The following PTPRD variants were observed in gnomAD, a reference collection of about 807,000 sequenced individuals.
The protein encoded by PTPRD is receptor-type tyrosine-protein phosphatase delta.
PTPRD carries 34 observed loss-of-function variants against 214.5 expected under a neutral mutation model. The observed-to-expected ratio is 0.16, with a 90% confidence interval of 0.12 to 0.21. The LOEUF is 0.21. PTPRD is among the 10% of genes least tolerant of loss of function. PTPRD has a pLI of 1.00. For synonymous variants in PTPRD, 1,128 were observed against 845.7 expected (o/e 1.33, Z -5.79); for missense variants, 2,545 against 2,398.7 (o/e 1.06, Z -1.27).
chr9:8,954,361 G>A (rs573787210), intron 11 of PTPRD, among the ~76,000 whole-genome samples: 2 of 151,900 alleles, frequency 1.3e-5, no homozygotes, highest in East Asian at 3.9e-4. Context: ...AAAGGCAGGA[G>A]GCAAGGGCTG....
chr9:8,577,478 C>T (rs956807663), intron 14 of PTPRD, among the ~76,000 whole-genome samples: 2 of 152,100 alleles, frequency 1.3e-5, no homozygotes, highest in African/African-American at 4.8e-5. Flanking sequence ...TGGTCTGGAA[C>T]TCCCGACCTC....
At chr9:8,691,801 C>T (rs1037405092) in intron 12 of PTPRD, among the ~76,000 whole-genome samples, 9 of 152,170 alleles carry the variant, frequency 5.9e-5, no homozygotes, top group African/African-American at 2.2e-4. Context: ...TAACTTTATA[C>T]CAAAAGCAAC....
chr9:9,518,921 ATATGAAT>A (rs1325900649), intron 8 of PTPRD, among the ~76,000 whole-genome samples: 1 of 152,040 alleles, frequency 6.6e-6, no homozygotes, highest in Non-Finnish European at 1.5e-5. Context: ...TCCATACTTA[ATATGAAT>A]ATGTATTCTT....
chr9:9,609,983 C>A (rs1390071721), intron 7 of PTPRD, among the ~76,000 whole-genome samples: 1 of 152,150 alleles, frequency 6.6e-6, no homozygotes, highest in Non-Finnish European at 1.5e-5. Context: ...CTACTCATGG[C>A]ATATATTTAC....
chr9:8,669,403 A>C (rs1198701819), intron 12 of PTPRD, among the ~76,000 whole-genome samples: 2 of 152,158 alleles, frequency 1.3e-5, no homozygotes, highest in Non-Finnish European at 2.9e-5. Context: ...ATAAGACCCA[A>C]TATGCAGTCC....
At chr9:10,396,180 C>T (rs1174144822) in intron 2 of PTPRD, among the ~76,000 whole-genome samples, 1 of 151,898 alleles carries the variant, frequency 6.6e-6, no homozygotes, top group African/African-American at 2.4e-5. Flanking sequence ...GGATCCTTTA[C>T]TTACAAATGA....
chr9:8,934,268 G>T (rs2098973540), intron 11 of PTPRD, among the ~76,000 whole-genome samples: 1 of 149,356 alleles, frequency 6.7e-6, no homozygotes, highest in African/African-American at 2.5e-5. Context: ...ATTAAGTGAA[G>T]GCCCATCCTC....
chr9:9,568,616 G>C (rs1269347075), intron 8 of PTPRD, among the ~76,000 whole-genome samples: 1 of 151,846 alleles, frequency 6.6e-6, no homozygotes, highest in East Asian at 1.9e-4. Context: ...TACATGTATG[G>C]ATTTATAGGT....
At chr9:8,474,324 C>T (rs2096719742) in intron 30 of PTPRD, among the ~76,000 whole-genome samples, 1 of 152,066 alleles carries the variant, frequency 6.6e-6, no homozygotes, top group African/African-American at 2.4e-5. Flanking sequence ...GGGTTCATGG[C>T]CTTCTTTTTT....
chr9:10,490,954 C>G (rs987612423), intron 2 of PTPRD, among the ~76,000 whole-genome samples: 3 of 152,114 alleles, frequency 2.0e-5, no homozygotes, highest in African/African-American at 7.2e-5. Context: ...ATTTCTCTAT[C>G]TTAATACTGT....
chr9:9,844,205 A>G (rs2058963036), intron 5 of PTPRD, among the ~76,000 whole-genome samples: 2 of 151,970 alleles, frequency 1.3e-5, no homozygotes, highest in Non-Finnish European at 2.9e-5. Flanking sequence ...TAATTGACAA[A>G]GACTGAATAT....
intron 11 of PTPRD, among the ~76,000 whole-genome samples, chr9:8,995,607 A>G (rs62529156): frequency 0.035 from 5,275 of 152,064 alleles, 137 homozygotes; most frequent in Middle Eastern, 0.058. Context: ...GACCATTTCC[A>G]TATCAATTAA....
Position 9,349,392 on chromosome 9 carries a change from T to C in PTPRD, c.-203+48057A>G, listed in dbSNP as rs375939662. Among the ~76,000 whole-genome samples, 3 of 152,152 alleles carry C rather than the reference T, an allele frequency of 2.0e-5. No individual in the cohort carries two copies. In the South Asian group the frequency reaches 6.2e-4, roughly 32 times the overall value. On this transcript the variant is annotated intron_variant, in intron 9 of 45. Transcript: ENST00000381196. The stretch of plus-strand genomic sequence containing the variant: ...ACAGGGACCATAAACTGATATTTTG[T>C]CTGTCTAATACAGAAACACTGCAAG...
intron 11 of PTPRD, among the ~76,000 whole-genome samples, chr9:8,868,172 T>G (rs2098232304): frequency 6.6e-6 from 1 of 151,986 alleles, no homozygotes; most frequent in South Asian, 2.1e-4. Flanking sequence ...TCTCTGGGAG[T>G]GAAGTTCTAG....
At chr9:8,400,224 T>C (rs1033525404) in intron 36 of PTPRD, among the ~76,000 whole-genome samples, 1 of 152,206 alleles carries the variant, frequency 6.6e-6, no homozygotes, top group Non-Finnish European at 1.5e-5. Context: ...TATCCACAAC[T>C]GCAATAATTA....
chr9:10,157,706 T>G (rs1208400129), intron 3 of PTPRD, among the ~76,000 whole-genome samples: 2 of 152,212 alleles, frequency 1.3e-5, no homozygotes, highest in Non-Finnish European at 2.9e-5. Context: ...GAAATTCTCA[T>G]GGATGATATC....
chr9:8,484,980 C>G (rs2096967644), intron 29 of PTPRD, among the ~76,000 whole-genome samples: 1 of 152,134 alleles, frequency 6.6e-6, no homozygotes, highest in Non-Finnish European at 1.5e-5. Flanking sequence ...GTAAAAAGTT[C>G]AAGTTCAAAG....
chr9:9,506,458 C>T (rs1424121312), intron 8 of PTPRD, among the ~76,000 whole-genome samples: 1 of 151,306 alleles, frequency 6.6e-6, no homozygotes, highest in East Asian at 1.9e-4. Flanking sequence ...TAGAATCCTG[C>T]CTTTTTGTCC....
At chr9:9,769,485 C>G (rs1181439623) in intron 5 of PTPRD, among the ~76,000 whole-genome samples, 1 of 151,824 alleles carries the variant, frequency 6.6e-6, no homozygotes, top group Non-Finnish European at 1.5e-5. Context: ...GCCACCACAC[C>G]CGGCTAATTT....
Sources: allele counts gnomAD v4.1 joint callset (sites outside exome capture counted in the v4.1 genomes callset), GRCh38; gene constraint gnomAD v4.1.1; transcripts MANE v1.5; gene names NCBI Gene and HGNC (gene_info 2026-07-23, HGNC 2026-07-21).